The following PPARGC1A variants were observed in gnomAD, a reference collection of about 807,000 sequenced individuals.
PPARGC1A encodes peroxisome proliferator-activated receptor gamma coactivator 1-alpha.
A neutral mutation model predicts 88.7 loss-of-function variants in PPARGC1A; 25 were observed. The observed-to-expected ratio is 0.28, with a 90% CI of 0.21 to 0.39. The LOEUF is 0.39. Among genes scored for constraint, PPARGC1A ranks in the 10% least tolerant of loss-of-function variants. The probability of loss-of-function intolerance (pLI) is 1.00; values close to 1 mark genes in which losing one functional copy is unlikely to be tolerated. For missense variants in PPARGC1A, 880 were observed against 968.7 expected, an observed-to-expected ratio of 0.91 and a Z score of 1.22; for synonymous variants, 363 against 355.6, an observed-to-expected ratio of 1.02 and a Z score of -0.24.
At chr4:23,928,282 A>T in the PPARGC1A span, among the ~76,000 whole-genome samples, 1 of 152,174 alleles carries the variant, frequency 6.6e-6, no homozygotes, top group Non-Finnish European at 1.5e-5. Flanking sequence ...ATTATATCCT[A>T]GGCTTCTAGG....
intron 7 of PPARGC1A, among the ~76,000 whole-genome samples, chr4:23,815,235 T>C (rs60721840): frequency 9.2e-5 from 14 of 152,142 alleles, no homozygotes; most frequent in African/African-American, 3.1e-4. Context: ...TGCAGGGACC[T>C]AGAGCAACTC....
chr4:24,242,242 C>A, the PPARGC1A span, among the ~76,000 whole-genome samples: 1 of 152,174 alleles, frequency 6.6e-6, no homozygotes, highest in East Asian at 1.9e-4. Context: ...CCCTTCAGAG[C>A]CTCATCTTCA....
At chr4:24,245,352 A>G in the PPARGC1A span, among the ~76,000 whole-genome samples, 33 of 152,360 alleles carry the variant, frequency 2.2e-4, 1 homozygote, top group African/African-American at 7.9e-4. Context: ...TCATGTGAAC[A>G]GAGCCCACAG....
the PPARGC1A span, among the ~76,000 whole-genome samples, chr4:24,061,736 T>G: frequency 2.0e-5 from 3 of 152,182 alleles, no homozygotes; most frequent in Admixed American, 2.0e-4. Context: ...GGCTCTAATT[T>G]GATGCTCACA....
At chr4:24,414,643 G>C in the PPARGC1A span, among the ~76,000 whole-genome samples, 1 of 152,216 alleles carries the variant, frequency 6.6e-6, no homozygotes, top group Non-Finnish European at 1.5e-5. Flanking sequence ...TTTGTTTGCA[G>C]TGAGGCCCAA....
the PPARGC1A span, among the ~76,000 whole-genome samples, chr4:24,327,747 C>A: frequency 6.6e-6 from 1 of 151,988 alleles, no homozygotes; most frequent in African/African-American, 2.4e-5. Flanking sequence ...TCCATACCAC[C>A]CCCAAAAATT....
chr4:23,910,361 A>AT, the PPARGC1A span, among the ~76,000 whole-genome samples: 28 of 102,628 alleles, frequency 2.7e-4, no homozygotes, highest in East Asian at 1.8e-3. Context: ...TATATATTAT[A>AT]TATATTATAT....
chr4:24,192,546 A>G, the PPARGC1A span, among the ~76,000 whole-genome samples: 15 of 152,298 alleles, frequency 9.8e-5, no homozygotes, highest in South Asian at 2.5e-3. Context: ...ACTTTGTGAA[A>G]TCTTCCCCAA....
the PPARGC1A span, among the ~76,000 whole-genome samples, chr4:24,305,065 A>G: frequency 6.6e-6 from 1 of 151,562 alleles, no homozygotes; most frequent in South Asian, 2.1e-4. Context: ...CAATTAAATG[A>G]GATAATATAC....
intron 2 of PPARGC1A, among the ~76,000 whole-genome samples, chr4:23,869,346 G>C (rs185498762): frequency 6.6e-6 from 1 of 152,164 alleles, no homozygotes; most frequent in Non-Finnish European, 1.5e-5. Context: ...CACAGTGGTC[G>C]AGGAGGGCAG....
the PPARGC1A span, among the ~76,000 whole-genome samples, chr4:24,137,601 T>G: frequency 2.0e-5 from 3 of 152,058 alleles, no homozygotes; most frequent in African/African-American, 4.8e-5. Flanking sequence ...AAAGTCACCT[T>G]CCAAAATTCA....
At chr4:23,861,504 G>T (rs1731221675) in intron 2 of PPARGC1A, among the ~76,000 whole-genome samples, 1 of 152,184 alleles carries the variant, frequency 6.6e-6, no homozygotes, top group Non-Finnish European at 1.5e-5. Context: ...AAACCAGGGA[G>T]TTGCTAGGAG....
At chr4:24,459,145 T>G in the PPARGC1A span, among the ~76,000 whole-genome samples, 1 of 152,176 alleles carries the variant, frequency 6.6e-6, no homozygotes, top group Admixed American at 6.5e-5. Context: ...AGTTTAAATT[T>G]TTTTAATTAA....
the PPARGC1A span, among the ~76,000 whole-genome samples, chr4:24,366,255 G>A: frequency 1.5e-5 from 1 of 66,172 alleles, no homozygotes; most frequent in South Asian, 5.1e-4. Flanking sequence ...ATTCACTGAA[G>A]AGAGTTATCG....
At chr4:24,372,531 A>G in the PPARGC1A span, among the ~76,000 whole-genome samples, 1 of 151,980 alleles carries the variant, frequency 6.6e-6, no homozygotes, top group East Asian at 1.9e-4. Context: ...TCTCGTTTCT[A>G]TTTGTTCTAC....
At chr4:24,050,020 C>T in the PPARGC1A span, among the ~76,000 whole-genome samples, 1 of 152,030 alleles carries the variant, frequency 6.6e-6, no homozygotes, top group South Asian at 2.1e-4. Flanking sequence ...TTACATATTT[C>T]CATGGTTTCT....
At chr4:24,390,061 A>T in the PPARGC1A span, among the ~76,000 whole-genome samples, 1 of 149,506 alleles carries the variant, frequency 6.7e-6, no homozygotes, top group Non-Finnish European at 1.5e-5. Flanking sequence ...ATGAATTGTA[A>T]GTAACTTATT....
intron 12 of PPARGC1A, among the ~76,000 whole-genome samples, chr4:23,799,014 A>T (rs2109323886): frequency 6.6e-6 from 1 of 152,296 alleles, no homozygotes; most frequent in East Asian, 1.9e-4. Context: ...CAGAAAGAAA[A>T]TTGGTTAAAT....
the PPARGC1A span, among the ~76,000 whole-genome samples, chr4:24,261,046 C>T: frequency 6.6e-6 from 1 of 152,172 alleles, no homozygotes; most frequent in Non-Finnish European, 1.5e-5. Context: ...CAGCTCTATG[C>T]TTGCTTCCTT....
Sources: allele counts gnomAD v4.1 joint callset (sites outside exome capture counted in the v4.1 genomes callset), GRCh38; gene constraint gnomAD v4.1.1; transcripts MANE v1.5; gene names NCBI Gene and HGNC (gene_info 2026-07-23, HGNC 2026-07-21).